The following EIF3H variants were observed in gnomAD, a reference collection of about 807,000 sequenced individuals.
EIF3H encodes the protein eIF-3-gamma.
Under a neutral mutation model 44.2 loss-of-function variants are expected in EIF3H, and 26 were observed. That is an observed-to-expected ratio of 0.59 (90% CI 0.43 to 0.82). The LOEUF (loss-of-function observed/expected upper bound fraction) is 0.82, where lower values mean the gene tolerates loss of function less well. Among genes scored for constraint, EIF3H ranks in the 40% least tolerant of loss-of-function variants. The pLI is 0.00. For missense variants in EIF3H, 359 were observed against 432.8 expected (o/e 0.83, Z 1.51); for synonymous variants, 166 against 151.9 (o/e 1.09, Z -0.68).
chr8:116,743,831 CACACACAT>C (rs1226841307), intron 1 of EIF3H, among the ~76,000 whole-genome samples: 17 of 128,502 alleles, frequency 1.3e-4, no homozygotes, highest in South Asian at 4.9e-4. Flanking sequence ...CACACACACA[CACACACAT>C]ATATAAATAA....
At chr8:116,714,757 A>T (rs1172175050) in intron 2 of EIF3H, among the ~76,000 whole-genome samples, 1 of 152,106 alleles carries the variant, frequency 6.6e-6, no homozygotes. Context: ...AACAGACCAC[A>T]ACGATCACTG....
rs961900629 is a variant in EIF3H, at chr8:116,710,492, G to A, written c.289+15524C>T. ...ATTCAACCACCGCTAATTTTCTGTTGACCTTCATTTTTATTTAATATAATA... is the reference window on the plus strand; with the variant it reads ...ATTCAACCACCGCTAATTTTCTGTTAACCTTCATTTTTATTTAATATAATA... On this transcript the variant is annotated intron_variant, in intron 2 of 7. Coordinates refer to ENST00000521861, the MANE Select transcript of EIF3H (RefSeq NM_003756.3). Among the ~76,000 whole-genome samples the A allele has an allele frequency of 9.9e-5, 15 of 152,104 alleles. 1 individual carries two copies. The South Asian group carries it at 2.7e-3, about 27-fold the overall frequency.
At chr8:116,735,000 C>T (rs540591767) in intron 1 of EIF3H, among the ~76,000 whole-genome samples, 10 of 152,162 alleles carry the variant, frequency 6.6e-5, no homozygotes, top group African/African-American at 2.2e-4. Flanking sequence ...TAGCAATATG[C>T]GTATTCCTAA....
At chr8:116,727,363 A>G (rs1240007912) in intron 1 of EIF3H, among the ~76,000 whole-genome samples, 1 of 152,258 alleles carries the variant, frequency 6.6e-6, no homozygotes, top group Non-Finnish European at 1.5e-5. Flanking sequence ...AAAACAGGCC[A>G]AAGTGGCTAA....
intron 1 of EIF3H, among the ~76,000 whole-genome samples, chr8:116,730,367 T>C (rs1010111224): frequency 7.2e-5 from 11 of 152,136 alleles, no homozygotes; most frequent in East Asian, 3.9e-4. Context: ...GGGAGCTAGG[T>C]TGCATGCTCC....
intron 2 of EIF3H, among the ~76,000 whole-genome samples, chr8:116,668,356 A>G (rs917564866): frequency 6.6e-6 from 1 of 152,262 alleles, no homozygotes; most frequent in African/African-American, 2.4e-5. Context: ...ATTGTTCTCC[A>G]GAGAGTGAGA....
At chr8:116,757,479 G>C (rs1182434355), upstream of EIF3H, among the ~76,000 whole-genome samples, 1 of 152,046 alleles carries the variant, frequency 6.6e-6, no homozygotes, top group African/African-American at 2.4e-5. Flanking sequence ...AAATATTGAA[G>C]AGCACCAAAT....
chr8:116,679,152 G>A (rs1167717091), intron 2 of EIF3H, among the ~76,000 whole-genome samples: 15 of 66,762 alleles, frequency 2.2e-4, no homozygotes, highest in Middle Eastern at 0.017. Flanking sequence ...CAGCCGCCCC[G>A]TCCGGGAGGG....
chr8:116,737,094 C>A, intron 1 of EIF3H: 1 of 219,466 alleles, frequency 4.6e-6, no homozygotes, highest in Non-Finnish European at 9.3e-6. Context: ...TTACCATCTC[C>A]CTGCCCAAAA....
chr8:116,711,525 A>G (rs1441473777), intron 2 of EIF3H, among the ~76,000 whole-genome samples: 3 of 152,230 alleles, frequency 2.0e-5, no homozygotes, highest in Admixed American at 2.0e-4. Context: ...GAGTACATTT[A>G]AAGTATTGGG....
chr8:116,711,913 A>T (rs145154650), intron 2 of EIF3H, among the ~76,000 whole-genome samples: 5 of 152,336 alleles, frequency 3.3e-5, no homozygotes, highest in African/African-American at 1.2e-4. Flanking sequence ...TTCAAAAAAT[A>T]TGTGTAGCAG....
At chr8:116,687,887 A>AT (rs1283883327) in intron 2 of EIF3H, among the ~76,000 whole-genome samples, 6 of 152,174 alleles carry the variant, frequency 3.9e-5, no homozygotes, top group Admixed American at 1.3e-4. Context: ...CTGTCAGCAT[A>AT]TCCTTAATGA....
intron 2 of EIF3H, among the ~76,000 whole-genome samples, chr8:116,672,105 TTAGA>T (rs1314070506): frequency 2.6e-5 from 4 of 152,186 alleles, no homozygotes; most frequent in Non-Finnish European, 4.4e-5. Flanking sequence ...AGTATCCTTG[TTAGA>T]TAGAGAAAGC....
chr8:116,662,227 G>A (rs889566270), intron 2 of EIF3H, among the ~76,000 whole-genome samples: 2 of 152,102 alleles, frequency 1.3e-5, no homozygotes, highest in African/African-American at 2.4e-5. Context: ...CTCTATCTTG[G>A]TTTGGACTTA....
In EIF3H at chr8:116,743,800, ACACACAC is replaced by A. The variant is rs1299563846; in HGVS notation, c.132+11859_132+11865del. ...TATATATATATATATATATATATAA[ACACACAC>A]ACACACACACACACACACACACACA... On this transcript the variant is annotated intron_variant, in intron 1 of 7. Coordinates refer to ENST00000521861, the MANE Select transcript of EIF3H (RefSeq NM_003756.3). Among the ~76,000 whole-genome samples, 220 of 42,728 alleles carry A rather than the reference ACACACAC, an allele frequency of 5.1e-3. 1 individual carries two copies. Among genetic ancestry groups the A allele is most frequent in the East Asian group, 0.021 (12 of 584 alleles). The allele number at this position is 42,728 out of a possible 152,430, so 28.0% of individuals were successfully genotyped here. A position where few individuals can be genotyped will look rare whatever the true frequency, so the allele number is the denominator to read the frequency against.
At chr8:116,742,395 G>C (rs1425616163) in intron 1 of EIF3H, among the ~76,000 whole-genome samples, 1 of 152,056 alleles carries the variant, frequency 6.6e-6, no homozygotes, top group East Asian at 1.9e-4. Context: ...TCATAATTAA[G>C]AATTAACTGA....
chr8:116,746,766 ATAAC>A (rs1157421162), intron 1 of EIF3H, among the ~76,000 whole-genome samples: 1 of 152,260 alleles, frequency 6.6e-6, no homozygotes, highest in African/African-American at 2.4e-5. Flanking sequence ...AGCAAAAAAT[ATAAC>A]TAAGCAATCA....
Position 116,742,876 on chromosome 8 carries a change from G to A in EIF3H, c.132+12790C>T, listed in dbSNP as rs143387487. Among the ~76,000 whole-genome samples the A allele has an allele frequency of 3.9e-3, 591 of 152,246 alleles. 3 individuals carry two copies. The highest frequency in any genetic ancestry group is 0.013 in the African/African-American group (532 of 41,536). ...GTGCCATATGCATGTATTATCCAGT[G>A]TAATGGCTGTGTTTAAACAGGTTTA... On this transcript the variant is annotated intron_variant, in intron 1 of 7. Transcript: ENST00000521861.
chr8:116,760,071 T>C (rs1314117529), upstream of EIF3H, among the ~76,000 whole-genome samples: 1 of 152,308 alleles, frequency 6.6e-6, no homozygotes, highest in African/African-American at 2.4e-5. Context: ...AAATATATGC[T>C]ATCATGGATC....
Sources: gnomAD v4.1 joint callset for allele counts (sites outside exome capture counted in the v4.1 genomes callset) on GRCh38, gnomAD v4.1.1 for gene constraint, MANE v1.5 for transcripts, NCBI Gene and HGNC (gene_info 2026-07-23, HGNC 2026-07-21) for gene names.